KLF16: variants seen among roughly 807,000 people sequenced by gnomAD.
KLF16 encodes Krueppel-like factor 16.
KLF16 carries 6 observed loss-of-function variants against 6.1 expected under a neutral mutation model. The ratio of observed to expected loss-of-function variants is 0.98; its 90% CI spans 0.54 to 1.93. The LOEUF is 1.93. Among genes scored for constraint, KLF16 ranks in the 30% most tolerant of loss-of-function variants. The pLI is 0.01. For synonymous variants in KLF16, 211 were observed against 176.5 expected, an observed-to-expected ratio of 1.20 and a Z score of -1.55; for missense variants, 355 against 363.8, an observed-to-expected ratio of 0.98 and a Z score of 0.20.
the KLF16 span, among the ~76,000 whole-genome samples, chr19:1,873,827 T>C: frequency 1.3e-5 from 2 of 152,238 alleles, no homozygotes; most frequent in East Asian, 3.9e-4. Context: ...CCTGACAGCC[T>C]GGAGCCTGAA....
rs919099244 is a variant in KLF16 at position 1,853,545 on chromosome 19, G to A, written c.*914C>T. 1.3e-5 allele frequency: 2 copies of A among 152,514 alleles called. No homozygotes were observed. The highest frequency in any genetic ancestry group is 1.3e-4 in the Admixed American group (2 of 15,088). The allele number at this position is 152,514 out of a possible 1,614,324, so 9.4% of individuals were successfully genotyped here. ...GCGCAGCCCAACAGCCGCAGTCGTC[G>A]TTAAGGGAGAGTTGATTGTCACGTG... On this transcript the variant is annotated 3_prime_UTR_variant, in exon 2 of 2. Transcript: ENST00000250916.
chr19:1,859,814 G>A (rs1452131891), intron 1 of KLF16, among the ~76,000 whole-genome samples: 6 of 152,182 alleles, frequency 3.9e-5, no homozygotes, highest in Non-Finnish European at 7.3e-5. Flanking sequence ...ACAACTGGGG[G>A]TGACCCTGCA....
At chr19:1,864,566 G>A (rs763735689), upstream of KLF16, among the ~76,000 whole-genome samples, 13 of 152,186 alleles carry the variant, frequency 8.5e-5, no homozygotes, top group Non-Finnish European at 1.8e-4. Context: ...GGGAAGAGGG[G>A]GCCGAACGCA....
In KLF16 at chr19:1,854,577, G is replaced by A. The variant is rs767742159; in HGVS notation, c.641C>T (p.Pro214Leu). The change falls in exon 2 of 2, where the codon CCG (proline) becomes CTG (leucine). Residue 214 changes from proline to leucine, a missense_variant. Transcript: ENST00000250916. ...KHARRHPGFH[P>L]DLLRRPGARS... ...GGCACCAGGGCGCCGGAGCAGGTCCGGGTGGAAGCCGGGGTGGCGGCGGGC... is the reference window on the plus strand; with the variant it reads ...GGCACCAGGGCGCCGGAGCAGGTCCAGGTGGAAGCCGGGGTGGCGGCGGGC... The A allele has an allele frequency of 5.0e-6, 8 of 1,588,436 alleles. No individual in the cohort carries two copies. Among genetic ancestry groups the A allele is most frequent in the East Asian group, 2.3e-5 (1 of 44,104 alleles).
chr19:1,861,073 C>A (rs1396838733), intron 1 of KLF16, among the ~76,000 whole-genome samples: 1 of 152,046 alleles, frequency 6.6e-6, no homozygotes, highest in Non-Finnish European at 1.5e-5. Context: ...GACTGGGCAC[C>A]CCCAGGCCTG....
the KLF16 span, among the ~76,000 whole-genome samples, chr19:1,871,142 C>T: frequency 1.3e-5 from 2 of 152,302 alleles, no homozygotes; most frequent in East Asian, 3.9e-4. Context: ...CAGGCAGAAC[C>T]GTCAGTCCTG....
the KLF16 span, among the ~76,000 whole-genome samples, chr19:1,871,574 C>T: frequency 2.6e-5 from 4 of 152,268 alleles, no homozygotes; most frequent in South Asian, 8.3e-4. Context: ...AAAACGCCGA[C>T]CCCCAAAGCC....
At chr19:1,856,676 C>T (rs1011074816) in intron 1 of KLF16, among the ~76,000 whole-genome samples, 1 of 152,210 alleles carries the variant, frequency 6.6e-6, no homozygotes, top group Admixed American at 6.5e-5. Flanking sequence ...ACCACTGGGC[C>T]CTGACAGCTC....
the KLF16 span, among the ~76,000 whole-genome samples, chr19:1,871,494 G>A: frequency 2.0e-4 from 30 of 152,260 alleles, no homozygotes; most frequent in South Asian, 2.9e-3. Context: ...CGGGGCTGGC[G>A]CTCCTGCAGG....
the KLF16 span, chr19:1,875,990 C>G: frequency 6.6e-6 from 1 of 152,382 alleles, no homozygotes; most frequent in Non-Finnish European, 1.5e-5. Flanking sequence ...GCCCCGACCC[C>G]GCGGCGGCCC....
At chr19:1,866,376 C>T (rs2012188539), upstream of KLF16, among the ~76,000 whole-genome samples, 1 of 151,846 alleles carries the variant, frequency 6.6e-6, no homozygotes, top group South Asian at 2.1e-4. Context: ...TTTGGGAGGC[C>T]GAGGCAGGCG....
upstream of KLF16, among the ~76,000 whole-genome samples, chr19:1,865,475 T>C (rs1350667238): frequency 1.3e-5 from 2 of 152,204 alleles, no homozygotes; most frequent in African/African-American, 4.8e-5. Context: ...TCCACTGATG[T>C]TTCCTGGGCT....
At chr19:1,860,252 C>T (rs1333853282) in intron 1 of KLF16, 1 of 152,216 alleles carries the variant, frequency 6.6e-6, no homozygotes, top group Non-Finnish European at 1.5e-5. Flanking sequence ...TCAACATCAC[C>T]CACAGCTTCC....
upstream of KLF16, among the ~76,000 whole-genome samples, chr19:1,866,612 C>CA (rs148043121): frequency 3.2e-3 from 410 of 129,406 alleles, 3 homozygotes; most frequent in East Asian, 0.011. Flanking sequence ...GAAACTGTCT[C>CA]AAAAAAAAAA....
At chr19:1,865,175 G>A (rs2012167336), upstream of KLF16, among the ~76,000 whole-genome samples, 1 of 152,208 alleles carries the variant, frequency 6.6e-6, no homozygotes, top group Admixed American at 6.5e-5. Flanking sequence ...CGAGAGAGAG[G>A]AGGTTCAGCG....
Position 1,863,032 on chromosome 19 carries a change from T to C in KLF16, c.457+9A>G. ...CCCCCGCAAGGGCCGGGATCGCGGCTGCACTCACCTGTGTGCGTCCGCAGG... is the reference window on the plus strand; with the variant it reads ...CCCCCGCAAGGGCCGGGATCGCGGCCGCACTCACCTGTGTGCGTCCGCAGG... On this transcript the variant is annotated intron_variant, in intron 1 of 1. Transcript: ENST00000250916. 2 of 1,356,756 alleles carry C rather than the reference T, an allele frequency of 1.5e-6. No individual in the cohort carries two copies. The highest frequency in any genetic ancestry group is 1.9e-6 in the Non-Finnish European group (2 of 1,032,686). The allele number at this position is 1,356,756 out of a possible 1,614,324, so 84.0% of individuals were successfully genotyped here. A position where few individuals can be genotyped will look rare whatever the true frequency, so the allele number is the denominator to read the frequency against.
the KLF16 span, among the ~76,000 whole-genome samples, chr19:1,871,757 G>A: frequency 1.3e-5 from 2 of 152,074 alleles, no homozygotes; most frequent in South Asian, 4.1e-4. Flanking sequence ...CCTCCAACCG[G>A]AGGACACAGC....
In KLF16 at chr19:1,857,285, G is replaced by A. The variant is rs535290665; in HGVS notation, c.458-2525C>T. 1.4e-4 allele frequency among the ~76,000 whole-genome samples: 21 copies of A among 152,356 alleles called. No individual in the cohort carries two copies. The highest frequency in any genetic ancestry group is 4.6e-4 in the African/African-American group (19 of 41,580). On this transcript the variant is annotated intron_variant, in intron 1 of 1. Coordinates refer to ENST00000250916, the MANE Select transcript of KLF16 (RefSeq NM_031918.4). The surrounding 1 kb of genome is among the most constrained non-coding windows in gnomAD (Gnocchi z 4.7). ...ACACAATCCACTCGCAGGGAGGAGG[G>A]TGGGGTGAACTTGTGGGGGCCCAGA...
intron 1 of KLF16, among the ~76,000 whole-genome samples, 171 bp from the exon 2 acceptor site, chr19:1,854,931 G>GC (rs1416145111): frequency 6.6e-6 from 1 of 151,990 alleles, no homozygotes; most frequent in Non-Finnish European, 1.5e-5. Flanking sequence ...ACCCTTACCC[G>GC]CCCCCCGGTG....
Sources: gnomAD v4.1 joint callset for allele counts (sites outside exome capture counted in the v4.1 genomes callset) on GRCh38, gnomAD v4.1.1 for gene constraint, Gnocchi (gnomAD v3.1) non-coding constraint, MANE v1.5 for transcripts, NCBI Gene and HGNC (gene_info 2026-07-23, HGNC 2026-07-21) for gene names.